NIN: variants seen among roughly 807,000 people sequenced by gnomAD.
NIN encodes the protein ninein.
NIN carries 137 observed loss-of-function variants against 257.6 expected under a neutral mutation model. The observed-to-expected ratio is 0.53, with a 90% CI of 0.46 to 0.61. The LOEUF (loss-of-function observed/expected upper bound fraction) is 0.61. Among genes scored for constraint, NIN ranks in the 20% least tolerant of loss-of-function variants. The pLI, the probability that NIN is intolerant of heterozygous loss-of-function variation, is 0.00. For missense variants in NIN, 2,439 were observed against 2,501.2 expected, an observed-to-expected ratio of 0.98 and a Z score of 0.53; for synonymous variants, 918 against 919.8, an observed-to-expected ratio of 1.00 and a Z score of 0.04.
intron 5 of NIN, among the ~76,000 whole-genome samples, chr14:50,782,615 G>A (rs1407507811): frequency 6.6e-6 from 1 of 152,196 alleles, no homozygotes; most frequent in Non-Finnish European, 1.5e-5. Flanking sequence ...GAAGGACTAT[G>A]GGAAACAATT....
At chr14:50,773,152 G>A in intron 7 of NIN, 57 bp from the exon 8 acceptor site, 2 of 1,420,394 alleles carry the variant, frequency 1.4e-6, no homozygotes, top group South Asian at 1.2e-5. Flanking sequence ...AAGGCCCAAA[G>A]TATACTTCCG....
rs777970734 is a variant in NIN, at chr14:50,758,606, A to G, written c.2424T>C (p.Asn808=). 3 of 1,574,286 alleles carry G rather than the reference A, an allele frequency of 1.9e-6. No homozygotes were observed. The highest frequency in any genetic ancestry group is 2.3e-5 in the South Asian group (2 of 85,930). Reference sequence around the variant, plus strand: ...GGGCTTCTATTTGAGAGGTTCTTCTATTACACTCTGTTTCCATTTTTTCCC... The same window carrying G: ...GGGCTTCTATTTGAGAGGTTCTTCTGTTACACTCTGTTTCCATTTTTTCCC... ...EGREKMETEC[N]RRTSQIEAQF... The change falls in exon 18 of 31, where the codon AAT becomes AAC. Residue 808 remains asparagine (N), a synonymous_variant. Transcript: ENST00000530997.
At chr14:50,810,020 A>C (rs2044509686) in intron 3 of NIN, among the ~76,000 whole-genome samples, 1 of 152,106 alleles carries the variant, frequency 6.6e-6, no homozygotes, top group Non-Finnish European at 1.5e-5. Flanking sequence ...TCACGAGGTC[A>C]GGAGATCGAG....
At position 50,757,815 on chromosome 14, in the gene NIN, C is replaced by T. The variant is rs2042101443; in HGVS notation, c.3215G>A (p.Arg1072Lys). The T allele has an allele frequency of 1.2e-6, 2 of 1,614,170 alleles. No individual in the cohort carries two copies. Among genetic ancestry groups the T allele is most frequent in the Non-Finnish European group, 8.5e-7 (1 of 1,180,022 alleles). Reference sequence around the variant, plus strand: ...TTCCTTCACTGCCTGTTCATGAGCTCTCTGCAGGCTTAAGAGGACGTCCCC... The same window carrying T: ...TTCCTTCACTGCCTGTTCATGAGCTTTCTGCAGGCTTAAGAGGACGTCCCC... ...ENGDVLLSLQ[R>K]AHEQAVKENV... is the part of the protein sequence containing the mutation. Residue 1072 changes from arginine to lysine, a missense_variant, in exon 18 of 31, where the codon AGA (arginine) becomes AAA (lysine). Transcript: ENST00000530997.
intron 4 of NIN, chr14:50,805,781 A>G (rs1378466601): frequency 6.6e-6 from 1 of 152,172 alleles, no homozygotes; most frequent in Non-Finnish European, 1.5e-5. Context: ...CTTTCATTGC[A>G]CAAGTCTCTG....
At chr14:50,730,712 A>C (rs551996949) in intron 28 of NIN, among the ~76,000 whole-genome samples, 15 of 152,362 alleles carry the variant, frequency 9.8e-5, no homozygotes, top group African/African-American at 3.4e-4. Context: ...CCATAATTTT[A>C]TATCAGTGGG....
Position 50,763,903 on chromosome 14 carries a change from C to T in NIN, c.1697G>A (p.Arg566Lys), listed in dbSNP as rs777338942. ...GTTCTTCAACGGAAGCCTGAGCACT[C>T]TGCCTTGTGCACGATATTCTTCCAG... Reference protein sequence around the residue: ...SELEEYRAQGRVLRLPLKNSP... With the variant: ...SELEEYRAQGKVLRLPLKNSP... Residue 566 changes from arginine to lysine, a missense_variant, in exon 15 of 31, where the codon AGA becomes AAA. This residue lies in a region of NIN where 2,043 missense variants were observed against 2,050.2 expected (regional missense o/e 1.00). Coordinates refer to ENST00000530997, the MANE Select transcript of NIN (RefSeq NM_020921.4). 1 of 1,614,024 alleles carries T rather than the reference C, an allele frequency of 6.2e-7. No homozygotes were observed. The highest frequency in any genetic ancestry group is 1.1e-5 in the South Asian group (1 of 91,078).
At position 50,772,467 on chromosome 14, in the gene NIN, G is replaced by A; in HGVS notation, c.815C>T (p.Ser272Phe). Reference protein sequence around the residue: ...RQLKRHLSMQSFDESGRRTTT... With the variant: ...RQLKRHLSMQFFDESGRRTTT... ...GGTACGTCGTCCACTCTCATCGAAA[G>A]ACTGGAAGGAGGAAGAGACTTGAGT... Residue 272 changes from serine (S) to phenylalanine (F), a missense_variant and splice_region_variant, in exon 9 of 31, where the codon TCT (serine) becomes TTT (phenylalanine). Around this residue, in one of 3 missense-constraint regions of NIN, gnomAD observed 387 missense variants for 427.3 expected, o/e 0.91. Coordinates refer to ENST00000530997, the MANE Select transcript of NIN (RefSeq NM_020921.4). 1 of 1,614,006 alleles carries A rather than the reference G, an allele frequency of 6.2e-7. No homozygotes were observed. The highest frequency in any genetic ancestry group is 8.5e-7 in the Non-Finnish European group (1 of 1,179,892).
intron 28 of NIN, chr14:50,731,110 T>C (rs1002789534): frequency 6.3e-6 from 2 of 317,082 alleles, no homozygotes; most frequent in Non-Finnish European, 1.2e-5. Flanking sequence ...AATAAGAGCA[T>C]ATGAAAGACA....
chr14:50,743,748 T>G (rs536361737), intron 23 of NIN, among the ~76,000 whole-genome samples: 85 of 152,188 alleles, frequency 5.6e-4, no homozygotes, highest in Non-Finnish European at 1.0e-3. Context: ...TTTGGAAATT[T>G]CCTATTTTTC....
chr14:50,742,450 G>A (rs1164973511), intron 24 of NIN: 1 of 150,660 alleles, frequency 6.6e-6, no homozygotes. Flanking sequence ...CTAGAGTGCA[G>A]TGGCACGATC....
At chr14:50,729,991 C>T (rs906816176) in intron 28 of NIN, among the ~76,000 whole-genome samples, 4 of 152,166 alleles carry the variant, frequency 2.6e-5, no homozygotes, top group African/African-American at 9.7e-5. Flanking sequence ...ATATTAAGGG[C>T]ACGATGTACA....
intron 5 of NIN, chr14:50,791,970 G>A (rs1032601918): frequency 6.6e-6 from 1 of 152,184 alleles, no homozygotes; most frequent in African/African-American, 2.4e-5. Flanking sequence ...TTTACAGCTT[G>A]CTCAGCATGG....
intron 28 of NIN, among the ~76,000 whole-genome samples, chr14:50,730,182 G>C (rs940098378): frequency 6.6e-6 from 1 of 152,056 alleles, no homozygotes; most frequent in Non-Finnish European, 1.5e-5. Flanking sequence ...TTTTTTGGAA[G>C]AACCTCATCT....
At chr14:50,733,555 G>C (rs1173231717) in intron 28 of NIN, among the ~76,000 whole-genome samples, 1 of 152,254 alleles carries the variant, frequency 6.6e-6, no homozygotes, top group Admixed American at 6.5e-5. Flanking sequence ...TTTACTACTA[G>C]GTGGGAAAAC....
In NIN at chr14:50,758,108, C is replaced by T. The variant is rs2042117249; in HGVS notation, c.2922G>A (p.Met974Ile). The change falls in exon 18 of 31, where the codon ATG (methionine) becomes ATA (isoleucine). Residue 974 changes from methionine to isoleucine, a missense_variant. By Grantham distance (10) the Met-to-Ile change is conservative. Coordinates refer to ENST00000530997, the MANE Select transcript of NIN (RefSeq NM_020921.4). ...LASQRLERLE[M>I]EHDQERQEMM... ...TTTCCTGCCTTTCCTGGTCATGTTCCATTTCTAGTCTTTCCAGCCGCTGGC... is the reference window on the plus strand; with the variant it reads ...TTTCCTGCCTTTCCTGGTCATGTTCTATTTCTAGTCTTTCCAGCCGCTGGC... 1 of 1,614,172 alleles carries T rather than the reference C, an allele frequency of 6.2e-7. No homozygotes were observed. Among genetic ancestry groups the T allele is most frequent in the African/African-American group, 1.3e-5 (1 of 75,030 alleles).
At chr14:50,726,707 G>A (rs1050402443) in intron 29 of NIN, among the ~76,000 whole-genome samples, 4 of 152,170 alleles carry the variant, frequency 2.6e-5, no homozygotes, top group African/African-American at 7.2e-5. Context: ...CTCACACAAC[G>A]GTGATGGGTT....
chr14:50,732,509 T>C (rs1318759560), intron 28 of NIN, among the ~76,000 whole-genome samples: 1 of 152,160 alleles, frequency 6.6e-6, no homozygotes, highest in Non-Finnish European at 1.5e-5. Context: ...GAACAGGTTT[T>C]GGAAGGAGTG....
At chr14:50,775,763 G>A (rs1020571414) in intron 7 of NIN, among the ~76,000 whole-genome samples, 1 of 152,070 alleles carries the variant, frequency 6.6e-6, no homozygotes, top group Non-Finnish European at 1.5e-5. Flanking sequence ...CCAAGTTTGT[G>A]CAATATTTTT....
Sources: allele counts gnomAD v4.1 joint callset (sites outside exome capture counted in the v4.1 genomes callset), GRCh38; gene constraint gnomAD v4.1.1; regional missense constraint gnomAD v4.1.1; transcripts MANE v1.5; gene names NCBI Gene and HGNC (gene_info 2026-07-23, HGNC 2026-07-21).